MECR: variants seen among roughly 807,000 people sequenced by gnomAD.
MECR encodes the protein mitochondrial trans-2-enoyl-CoA reductase, also known as enoyl-[acyl-carrier-protein] reductase, mitochondrial.
A neutral mutation model predicts 49.1 loss-of-function variants in MECR; 37 were observed. The ratio of observed to expected loss-of-function variants is 0.75; its 90% CI spans 0.58 to 0.99. The LOEUF is 0.99. Ranked by LOEUF, MECR falls within the 50% of genes least tolerant of loss-of-function variation. MECR has a pLI of 0.00. For synonymous variants in MECR, 198 were observed against 191.1 expected (o/e 1.04, Z -0.30); for missense variants, 470 against 479.6 (o/e 0.98, Z 0.19).
intron 3 of MECR, among the ~76,000 whole-genome samples, chr1:29,210,375 A>C (rs112948575): frequency 4.9e-4 from 75 of 152,252 alleles, no homozygotes; most frequent in African/African-American, 1.7e-3. Context: ...AGAAAATAAG[A>C]GACTGAAAAG....
rs758198833 is a variant in MECR at position 29,216,184 on chromosome 1, G to A, written c.275-48C>T. On this transcript the variant is annotated intron_variant, in intron 2 of 9. Coordinates refer to ENST00000263702, the MANE Select transcript of MECR (RefSeq NM_016011.5). ...GGTCAACCAGTGATGTTTGGGCAGTGAAAGAGCATGGACTTGAGTCCACGC... is the reference window on the plus strand; with the variant it reads ...GGTCAACCAGTGATGTTTGGGCAGTAAAAGAGCATGGACTTGAGTCCACGC... The A allele has an allele frequency of 1.1e-5, 18 of 1,608,326 alleles. No homozygotes were observed. In the African/African-American group the frequency reaches 2.1e-4, roughly 19 times the overall value.
At chr1:29,167,848 A>G in the MECR span, among the ~76,000 whole-genome samples, 18 of 152,150 alleles carry the variant, frequency 1.2e-4, no homozygotes, top group Admixed American at 1.1e-3. Context: ...TTTGTATATC[A>G]AATGTGAAGA....
rs1403666773 is a variant in MECR, at chr1:29,193,730, A to G, written c.*292T>C. ...CAGAAAATGATTACTGGGGGAACAC[A>G]TGACAGAAAAGCAGGAAGGGGGCCT... On this transcript the variant is annotated 3_prime_UTR_variant, in exon 10 of 10. Coordinates refer to ENST00000263702, the MANE Select transcript of MECR (RefSeq NM_016011.5). The G allele has an allele frequency of 1.2e-5, 4 of 336,756 alleles. No homozygotes were observed. Among genetic ancestry groups the G allele is most frequent in the African/African-American group, 2.1e-5 (1 of 46,698 alleles). The allele number at this position is 336,756 out of a possible 1,614,324, so 20.9% of individuals were successfully genotyped here. A position where few individuals can be genotyped will look rare whatever the true frequency, so the allele number is the denominator to read the frequency against.
At chr1:29,209,848 C>A (rs1574379090) in intron 3 of MECR, among the ~76,000 whole-genome samples, 1 of 152,090 alleles carries the variant, frequency 6.6e-6, no homozygotes, top group African/African-American at 2.4e-5. Flanking sequence ...CTTGGGCATG[C>A]CTGCTCACTA....
intron 3 of MECR, among the ~76,000 whole-genome samples, chr1:29,209,930 G>A (rs1051773188): frequency 1.1e-4 from 16 of 152,274 alleles, no homozygotes; most frequent in African/African-American, 3.9e-4. Context: ...GGCAGCCTGG[G>A]TAATCACTAA....
chr1:29,205,546 G>A (rs1676355946), intron 4 of MECR, among the ~76,000 whole-genome samples: 2 of 151,808 alleles, frequency 1.3e-5, no homozygotes, highest in South Asian at 4.2e-4. Flanking sequence ...GACTGAGCAG[G>A]CCGGCTGGGG....
chr1:29,182,672 T>C, the MECR span, among the ~76,000 whole-genome samples: 1 of 151,852 alleles, frequency 6.6e-6, no homozygotes, highest in Non-Finnish European at 1.5e-5. Context: ...GCCTCCAGAG[T>C]AGCTGGGACT....
At chr1:29,216,184 G>C (rs758198833) in intron 2 of MECR, 48 bp from the exon 3 acceptor site, 1 of 1,608,444 alleles carries the variant, frequency 6.2e-7, no homozygotes, top group South Asian at 1.1e-5. Context: ...TTTGGGCAGT[G>C]AAAGAGCATG....
rs1452220339 is a variant in MECR, at chr1:29,230,900, C to T, written c.7G>A (p.Val3Ile). 1 of 1,601,412 alleles carries T rather than the reference C, an allele frequency of 6.2e-7. No individual in the cohort carries two copies. The highest frequency in any genetic ancestry group is 1.3e-5 in the African/African-American group (1 of 74,480). Residue 3 changes from valine to isoleucine, a missense_variant, in exon 1 of 10, where the codon GTC becomes ATC. Coordinates refer to ENST00000263702, the MANE Select transcript of MECR (RefSeq NM_016011.5). Reference protein sequence around the residue: MWVCSTLWRVRTP... With the variant: MWICSTLWRVRTP... ...CGCACCCGCCACAGGGTACTGCAGA[C>T]CCACATGCTCGCTCCAACCAACACA...
intron 4 of MECR, among the ~76,000 whole-genome samples, chr1:29,206,534 T>G (rs1676612741): frequency 6.6e-6 from 1 of 152,228 alleles, no homozygotes. Context: ...CTAGAGAATG[T>G]GACCCTGCAG....
the MECR span, among the ~76,000 whole-genome samples, chr1:29,173,866 AAATTAT>A: frequency 6.6e-6 from 1 of 151,954 alleles, no homozygotes; most frequent in Non-Finnish European, 1.5e-5. Context: ...TTAGTTTAAA[AAATTAT>A]AATAAAGGGC....
chr1:29,188,645 T>C (rs1454180199), downstream of MECR, among the ~76,000 whole-genome samples: 4 of 136,944 alleles, frequency 2.9e-5, no homozygotes, highest in Non-Finnish European at 6.7e-5. Flanking sequence ...AATGCCTATT[T>C]GTCTTTTTTT....
the MECR span, chr1:29,181,946 G>A: frequency 3.1e-4 from 130 of 415,510 alleles, 1 homozygote; most frequent in South Asian, 6.5e-3. Flanking sequence ...TCCCCGAGGC[G>A]GAAGGTAACC....
intron 4 of MECR, among the ~76,000 whole-genome samples, chr1:29,204,817 G>A (rs888068476): frequency 1.3e-5 from 2 of 152,236 alleles, no homozygotes; most frequent in Non-Finnish European, 2.9e-5. Flanking sequence ...CTCCAGCAAA[G>A]GTCCCTGGTC....
At chr1:29,205,153 C>T (rs1676271078) in intron 4 of MECR, among the ~76,000 whole-genome samples, 1 of 151,968 alleles carries the variant, frequency 6.6e-6, no homozygotes, top group Non-Finnish European at 1.5e-5. Context: ...GGCCCAGCCT[C>T]TCATCATTCA....
chr1:29,185,820 A>C, the MECR span, among the ~76,000 whole-genome samples: 1 of 152,164 alleles, frequency 6.6e-6, no homozygotes, highest in Non-Finnish European at 1.5e-5. Flanking sequence ...TCTGCAGAAA[A>C]AACAACAAAA....
chr1:29,175,763 T>G, the MECR span, among the ~76,000 whole-genome samples: 1 of 133,684 alleles, frequency 7.5e-6, no homozygotes, highest in Admixed American at 7.6e-5. Context: ...AAATTAAGAG[T>G]GGGTCTTTAA....
chr1:29,198,381 C>G (rs1674522086), intron 7 of MECR, among the ~76,000 whole-genome samples: 1 of 152,222 alleles, frequency 6.6e-6, no homozygotes, highest in South Asian at 2.1e-4. Context: ...GCCTAACTTT[C>G]CACAGGCCCA....
chr1:29,226,217 C>T (rs986996863), intron 1 of MECR, among the ~76,000 whole-genome samples: 4 of 143,870 alleles, frequency 2.8e-5, no homozygotes, highest in African/African-American at 1.0e-4. Context: ...TATATGTCCA[C>T]GGGTTTCCAG....
Sources: allele counts gnomAD v4.1 joint callset (sites outside exome capture counted in the v4.1 genomes callset), GRCh38; gene constraint gnomAD v4.1.1; transcripts MANE v1.5; gene names NCBI Gene and HGNC (gene_info 2026-07-23, HGNC 2026-07-21).